APPL2: variants seen among roughly 807,000 people sequenced by gnomAD.
The protein encoded by APPL2 is DCC-interacting protein 13-beta.
A neutral mutation model predicts 92.7 loss-of-function variants in APPL2; 84 were observed. That is an observed-to-expected ratio of 0.91 (90% CI 0.76 to 1.09). The LOEUF (loss-of-function observed/expected upper bound fraction) is 1.09, where lower values mean the gene tolerates loss of function less well. Ranked by LOEUF, APPL2 falls within the 50% of genes least tolerant of loss-of-function variation. The pLI is 0.00. For synonymous variants in APPL2, 291 were observed against 291.0 expected, an observed-to-expected ratio of 1.00 and a Z score of 0.00; for missense variants, 736 against 824.5, an observed-to-expected ratio of 0.89 and a Z score of 1.31.
chr12:105,199,186 G>A, intron 10 of APPL2, 187 bp downstream of exon 10: 1 of 636,408 alleles, frequency 1.6e-6, no homozygotes, highest in Non-Finnish European at 2.6e-6. Flanking sequence ...CCATCTCTTA[G>A]TGCAGTTTGG....
intron 9 of APPL2, among the ~76,000 whole-genome samples, chr12:105,202,628 C>T (rs1237929734): frequency 6.6e-6 from 1 of 152,154 alleles, no homozygotes; most frequent in East Asian, 1.9e-4. Context: ...TCCTAACATT[C>T]CCAGGGGCTA....
At chr12:105,187,369 TATTCCTC>T (rs1490094972) in intron 17 of APPL2, among the ~76,000 whole-genome samples, 12 of 152,312 alleles carry the variant, frequency 7.9e-5, no homozygotes, top group African/African-American at 2.9e-4. Flanking sequence ...TTAGCACATT[TATTCCTC>T]ATGACATTTA....
At chr12:105,189,594 C>T (rs547940632) in intron 16 of APPL2, among the ~76,000 whole-genome samples, 178 bp downstream of exon 16, 1 of 152,248 alleles carries the variant, frequency 6.6e-6, no homozygotes, top group East Asian at 1.9e-4. Context: ...TTCAGCTACC[C>T]CTCAGTTTTT....
chr12:105,183,829 C>G lies in APPL2; in HGVS notation c.1634+4444G>C, dbSNP rs540818487. The stretch of plus-strand genomic sequence containing the variant: ...GTCTTGCTAGGTTGTGGAAGTTCTC[C>G]TGGATAATATCCTGAAGAGTGTTTT... On this transcript the variant is annotated intron_variant, in intron 17 of 20. Transcript: ENST00000258530. Among the ~76,000 whole-genome samples, 6 of 152,306 alleles carry G rather than the reference C, an allele frequency of 3.9e-5. No homozygotes were observed. The South Asian group carries it at 6.2e-4, about 16-fold the overall frequency.
At chr12:105,215,716 T>C (rs916382430) in intron 4 of APPL2, among the ~76,000 whole-genome samples, 2 of 152,186 alleles carry the variant, frequency 1.3e-5, no homozygotes, top group Non-Finnish European at 2.9e-5. Flanking sequence ...TTCTTTATCA[T>C]GATTTTTTGA....
At chr12:105,183,070 C>CTTTTT (rs56345779) in intron 17 of APPL2, among the ~76,000 whole-genome samples, 29 of 88,400 alleles carry the variant, frequency 3.3e-4, no homozygotes, top group African/African-American at 6.4e-4. Flanking sequence ...GCAACCCCTG[C>CTTTTT]TTTTTTTTTT....
chr12:105,187,183 G>A (rs1341246934), intron 17 of APPL2, among the ~76,000 whole-genome samples: 1 of 152,120 alleles, frequency 6.6e-6, no homozygotes, highest in Non-Finnish European at 1.5e-5. Context: ...GAAAGAACAG[G>A]TTTTATTAAT....
At chr12:105,175,569 T>C (rs1441973075) in intron 20 of APPL2, among the ~76,000 whole-genome samples, 2 of 152,202 alleles carry the variant, frequency 1.3e-5, no homozygotes. Flanking sequence ...TCTGTCTTGT[T>C]CAATTACACA....
At chr12:105,179,361 CA>C (rs1238104084) in intron 17 of APPL2, among the ~76,000 whole-genome samples, 1 of 152,150 alleles carries the variant, frequency 6.6e-6, no homozygotes, top group Non-Finnish European at 1.5e-5. Context: ...GTATATGTGC[CA>C]CATTTTCTTT....
At chr12:105,230,111 T>C (rs565356443) in intron 1 of APPL2, among the ~76,000 whole-genome samples, 2 of 152,116 alleles carry the variant, frequency 1.3e-5, no homozygotes, top group African/African-American at 4.8e-5. Flanking sequence ...TATTCAACCA[T>C]TTTCAAACTC....
intron 11 of APPL2, among the ~76,000 whole-genome samples, chr12:105,196,763 A>G (rs1285979135): frequency 6.6e-6 from 1 of 152,064 alleles, no homozygotes; most frequent in Admixed American, 6.6e-5. Context: ...TTTTAAAGAG[A>G]CCCCACATCT....
chr12:105,190,187 T>G (rs1887082603), intron 14 of APPL2, 32 bp from the exon 15 acceptor site: 6 of 1,589,488 alleles, frequency 3.8e-6, no homozygotes, highest in Non-Finnish European at 5.1e-6. Context: ...TCCCTTAACC[T>G]TACGCTTTTA....
chr12:105,214,277 G>T (rs1889464659), intron 4 of APPL2, among the ~76,000 whole-genome samples: 1 of 152,184 alleles, frequency 6.6e-6, no homozygotes, highest in Non-Finnish European at 1.5e-5. Context: ...ATGACAACGT[G>T]GTTGTAAGTA....
At chr12:105,178,432 G>T (rs1199897309) in intron 17 of APPL2, among the ~76,000 whole-genome samples, 1 of 152,080 alleles carries the variant, frequency 6.6e-6, no homozygotes, top group African/African-American at 2.4e-5. Context: ...CTGAGGTGAT[G>T]AAAATGTTGT....
intron 8 of APPL2, 139 bp downstream of exon 8, chr12:105,206,922 G>T: frequency 8.9e-7 from 1 of 1,129,824 alleles, no homozygotes; most frequent in Non-Finnish European, 1.2e-6. Flanking sequence ...CTGTCCAAGT[G>T]CTGAATCCCA....
At chr12:105,219,017 C>T (rs770698799) in intron 2 of APPL2, among the ~76,000 whole-genome samples, 7 of 152,188 alleles carry the variant, frequency 4.6e-5, no homozygotes, top group Non-Finnish European at 5.9e-5. Flanking sequence ...ATTTCTAAAG[C>T]TCAGTTAAAG....
chr12:105,176,006 T>C, intron 20 of APPL2, 29 bp downstream of exon 20: 3 of 1,547,932 alleles, frequency 1.9e-6, no homozygotes, highest in Non-Finnish European at 2.6e-6. Flanking sequence ...TTTGAGTAGC[T>C]ACTAAACCAG....
chr12:105,235,835 C>G, intron 1 of APPL2, 124 bp downstream of exon 1: 1 of 729,514 alleles, frequency 1.4e-6, no homozygotes, highest in East Asian at 3.8e-5. Context: ...GTGGGAGGCG[C>G]CGCGAGGGGG....
intron 1 of APPL2, among the ~76,000 whole-genome samples, chr12:105,234,149 T>G (rs1386827676): frequency 6.6e-6 from 1 of 152,218 alleles, no homozygotes; most frequent in Non-Finnish European, 1.5e-5. Flanking sequence ...ACAAATAAAC[T>G]TCCTATATTA....
Sources: allele counts gnomAD v4.1 joint callset (sites outside exome capture counted in the v4.1 genomes callset), GRCh38; gene constraint gnomAD v4.1.1; transcripts MANE v1.5; gene names NCBI Gene and HGNC (gene_info 2026-07-23, HGNC 2026-07-21).